The following TENM3 variants were observed in gnomAD, a reference collection of about 807,000 sequenced individuals.
TENM3 encodes the protein teneurin transmembrane protein 3, also known as teneurin-3.
A neutral mutation model predicts 255.1 loss-of-function variants in TENM3; 63 were observed. The observed-to-expected ratio is 0.25, with a 90% CI of 0.20 to 0.30. TENM3 has a LOEUF of 0.30. Among genes scored for constraint, TENM3 ranks in the 10% least tolerant of loss-of-function variants. The pLI is 1.00. For missense variants in TENM3, 2,929 were observed against 3,461.1 expected (o/e 0.85, Z 3.86); for synonymous variants, 1,306 against 1,322.3 (o/e 0.99, Z 0.27).
At chr4:181,494,177 C>T in the TENM3 span, among the ~76,000 whole-genome samples, 1 of 152,164 alleles carries the variant, frequency 6.6e-6, no homozygotes, top group East Asian at 1.9e-4. Context: ...ATAATATTTG[C>T]TACTAATGAC....
the TENM3 span, among the ~76,000 whole-genome samples, chr4:182,066,913 A>G: frequency 6.6e-6 from 1 of 151,582 alleles, no homozygotes; most frequent in African/African-American, 2.4e-5. Flanking sequence ...TCCATCTCAA[A>G]TATATATATA....
At chr4:181,647,924 A>G in the TENM3 span, among the ~76,000 whole-genome samples, 100 of 151,980 alleles carry the variant, frequency 6.6e-4, no homozygotes, top group African/African-American at 2.3e-3. Context: ...CCTTTGGGGG[A>G]GGTTTGAGAA....
chr4:182,368,798 C>T (rs970350486), intron 3 of TENM3, among the ~76,000 whole-genome samples: 2 of 152,162 alleles, frequency 1.3e-5, no homozygotes, highest in African/African-American at 4.8e-5. Context: ...GTAGCTTGTA[C>T]GGCATGTGCA....
chr4:182,346,082 T>TACATACAG (rs1764781954), intron 2 of TENM3, among the ~76,000 whole-genome samples: 2 of 151,796 alleles, frequency 1.3e-5, no homozygotes, highest in African/African-American at 4.8e-5. Flanking sequence ...CATACATACA[T>TACATACAG]ACATACATAC....
At chr4:181,885,648 GTTCGT>G in the TENM3 span, among the ~76,000 whole-genome samples, 1 of 152,088 alleles carries the variant, frequency 6.6e-6, no homozygotes, top group African/African-American at 2.4e-5. Flanking sequence ...ATAGCTACAT[GTTCGT>G]TTCATTTGAC....
chr4:181,738,855 T>C, the TENM3 span, among the ~76,000 whole-genome samples: 1 of 152,152 alleles, frequency 6.6e-6, no homozygotes, highest in East Asian at 1.9e-4. Flanking sequence ...AATGTATCTA[T>C]TATTTCCCAA....
At chr4:181,693,247 C>T in the TENM3 span, among the ~76,000 whole-genome samples, 3 of 152,134 alleles carry the variant, frequency 2.0e-5, no homozygotes, top group Non-Finnish European at 4.4e-5. Context: ...CTAAATAGCC[C>T]ATTGTACATT....
chr4:182,214,044 C>T (rs1755262338), intron 1 of TENM3, among the ~76,000 whole-genome samples: 1 of 152,064 alleles, frequency 6.6e-6, no homozygotes, highest in Non-Finnish European at 1.5e-5. Context: ...CCTTGTGATC[C>T]CCCCGCTGCG....
At chr4:181,721,289 C>G in the TENM3 span, among the ~76,000 whole-genome samples, 1 of 151,582 alleles carries the variant, frequency 6.6e-6, no homozygotes, top group Non-Finnish European at 1.5e-5. Context: ...CAACCCTTAT[C>G]CTGAAAGCTG....
chr4:181,834,994 G>C, the TENM3 span: 10 of 152,222 alleles, frequency 6.6e-5, no homozygotes, highest in Non-Finnish European at 1.0e-4. Context: ...GCCTCAGGAA[G>C]GACAGACACA....
At chr4:181,655,345 G>C in the TENM3 span, among the ~76,000 whole-genome samples, 6 of 152,208 alleles carry the variant, frequency 3.9e-5, no homozygotes, top group Non-Finnish European at 7.3e-5. Context: ...TTGCAGGAGA[G>C]AAAAGAGTCG....
chr4:181,648,919 G>T, the TENM3 span, among the ~76,000 whole-genome samples: 1 of 152,194 alleles, frequency 6.6e-6, no homozygotes. Flanking sequence ...GGACAATGCG[G>T]TGATTATAAA....
chr4:182,366,278 A>AT (rs1397869331), intron 3 of TENM3, among the ~76,000 whole-genome samples: 6 of 151,892 alleles, frequency 4.0e-5, no homozygotes, highest in Admixed American at 3.9e-4. Flanking sequence ...CAATAGCATT[A>AT]TTTACTTGTG....
the TENM3 span, among the ~76,000 whole-genome samples, chr4:181,810,661 C>T: frequency 6.6e-6 from 1 of 151,950 alleles, no homozygotes; most frequent in Non-Finnish European, 1.5e-5. Context: ...GTGCAATGAA[C>T]AAAATGTAGA....
chr4:182,652,341 G>T (rs981606624), intron 5 of TENM3, among the ~76,000 whole-genome samples: 8 of 152,138 alleles, frequency 5.3e-5, no homozygotes, highest in African/African-American at 1.9e-4. Context: ...ACTGTTTATT[G>T]AGGGGTGCCG....
the TENM3 span, among the ~76,000 whole-genome samples, chr4:182,137,558 G>C: frequency 6.6e-6 from 1 of 152,146 alleles, no homozygotes; most frequent in African/African-American, 2.4e-5. Context: ...GAGGTCAGAC[G>C]GGGAAAACTG....
the TENM3 span, among the ~76,000 whole-genome samples, chr4:181,965,854 C>G: frequency 6.6e-6 from 1 of 152,120 alleles, no homozygotes; most frequent in African/African-American, 2.4e-5. Context: ...TGTGTGTTCT[C>G]TCTCACATCC....
chr4:182,589,410 C>CTT (rs1746367836), intron 3 of TENM3, among the ~76,000 whole-genome samples: 1 of 144,548 alleles, frequency 6.9e-6, no homozygotes, highest in Admixed American at 6.8e-5. Context: ...AAAATCGCCT[C>CTT]TTATTTTTTC....
chr4:182,510,606 A>G (rs544482047), intron 3 of TENM3, among the ~76,000 whole-genome samples: 12 of 152,310 alleles, frequency 7.9e-5, no homozygotes, highest in East Asian at 1.9e-4. Flanking sequence ...CTTACAATCA[A>G]TGACATTTCC....
Sources: gnomAD v4.1 joint callset for allele counts (sites outside exome capture counted in the v4.1 genomes callset) on GRCh38, gnomAD v4.1.1 for gene constraint, MANE v1.5 for transcripts, NCBI Gene and HGNC (gene_info 2026-07-23, HGNC 2026-07-21) for gene names.